EPHA4: variants seen among roughly 807,000 people sequenced by gnomAD.
EPHA4 encodes the protein EPH receptor A4, also known as ephrin type-A receptor 4.
Under a neutral mutation model 108.3 loss-of-function variants are expected in EPHA4, and 19 were observed. The ratio of observed to expected loss-of-function variants is 0.18; its 90% CI spans 0.12 to 0.26. EPHA4 has a LOEUF of 0.26. Among genes scored for constraint, EPHA4 ranks in the 10% least tolerant of loss-of-function variants. EPHA4 has a pLI of 1.00. For missense variants in EPHA4, 917 were observed against 1,254.0 expected (o/e 0.73, Z 4.06); for synonymous variants, 449 against 455.5 (o/e 0.99, Z 0.18).
chr2:221,516,168 A>G (rs2710508), intron 3 of EPHA4, among the ~76,000 whole-genome samples: 92,997 of 151,934 alleles, frequency 0.61, 29,623 homozygotes, highest in African/African-American at 0.79. Context: ...CTGAAATACA[A>G]TGACTGAGAA....
chr2:221,423,756 T>C (rs562269998), intron 17 of EPHA4, among the ~76,000 whole-genome samples: 2 of 144,108 alleles, frequency 1.4e-5, no homozygotes, highest in South Asian at 4.4e-4. Flanking sequence ...AGTTGTAGAC[T>C]TTAAGAAAAA....
chr2:221,442,791 C>A (rs760572185), intron 11 of EPHA4, 38 bp downstream of exon 11: 4 of 1,606,742 alleles, frequency 2.5e-6, no homozygotes, highest in Non-Finnish European at 3.4e-6. Flanking sequence ...TTCCCAGTAA[C>A]TTCTAGCTTG....
chr2:221,483,518 G>T (rs1011175645), intron 4 of EPHA4, among the ~76,000 whole-genome samples: 2 of 151,568 alleles, frequency 1.3e-5, no homozygotes, highest in Non-Finnish European at 2.9e-5. Flanking sequence ...GTGTGTGTGT[G>T]TGTGTGTGTG....
intron 11 of EPHA4, chr2:221,437,350 A>T (rs1300418541): frequency 7.1e-6 from 3 of 420,066 alleles, no homozygotes; most frequent in Non-Finnish European, 1.3e-5. Context: ...TGGCTTGTTG[A>T]CAAGGTCTTT....
intron 3 of EPHA4, among the ~76,000 whole-genome samples, chr2:221,521,952 G>A (rs1321435085): frequency 6.6e-6 from 1 of 152,146 alleles, no homozygotes; most frequent in African/African-American, 2.4e-5. Context: ...ATTCCAGCCT[G>A]GGTGACAGAG....
intron 3 of EPHA4, among the ~76,000 whole-genome samples, chr2:221,551,420 A>G (rs1452306582): frequency 2.6e-5 from 4 of 152,146 alleles, no homozygotes; most frequent in Non-Finnish European, 5.9e-5. Flanking sequence ...TAGTGTATCT[A>G]GTTTTCAAAG....
At chr2:221,536,496 C>T (rs1339935595) in intron 3 of EPHA4, among the ~76,000 whole-genome samples, 1 of 152,124 alleles carries the variant, frequency 6.6e-6, no homozygotes, top group Non-Finnish European at 1.5e-5. Context: ...CATTAATTCC[C>T]AATAATTAAG....
At chr2:221,422,610 T>C (rs1689790019) in intron 17 of EPHA4, among the ~76,000 whole-genome samples, 1 of 152,224 alleles carries the variant, frequency 6.6e-6, no homozygotes, top group South Asian at 2.1e-4. Context: ...AATGCCAGGA[T>C]ACGAGTTGAG....
intron 4 of EPHA4, among the ~76,000 whole-genome samples, chr2:221,499,750 ATATATATTTTTT>A (rs1480274707): frequency 1.3e-4 from 6 of 46,550 alleles, no homozygotes; most frequent in African/African-American, 7.3e-4. Context: ...ATATATATAT[ATATATATTTTTT>A]TTTTTTTTTT....
At position 221,448,437 on chromosome 2, in the gene EPHA4, A is replaced by G. The variant is rs571168261; in HGVS notation, c.1716-2256T>C. Among the ~76,000 whole-genome samples the G allele has an allele frequency of 1.5e-3, 234 of 152,292 alleles. 1 individual carries two copies. Among genetic ancestry groups the G allele is most frequent in the African/African-American group, 5.4e-3 (226 of 41,558 alleles). ...AGTACATTCACTTAAAGTGAATTCA[A>G]TTGCTCTTAAAATCCATTGCTTCAT... On this transcript the variant is annotated intron_variant, in intron 8 of 17. Coordinates refer to ENST00000281821, the MANE Select transcript of EPHA4 (RefSeq NM_004438.5).
intron 13 of EPHA4, among the ~76,000 whole-genome samples, chr2:221,435,422 A>G (rs1442686874): frequency 6.6e-6 from 1 of 152,198 alleles, no homozygotes; most frequent in Non-Finnish European, 1.5e-5. Context: ...TCAAAAGAGG[A>G]CAAGCATAAG....
At chr2:221,496,045 C>T (rs79870518) in intron 4 of EPHA4, among the ~76,000 whole-genome samples, 3,712 of 152,234 alleles carry the variant, frequency 0.024, 62 homozygotes, top group Non-Finnish European at 0.038. Context: ...TGATTAGAGG[C>T]TGGAATCAGT....
intron 2 of EPHA4, among the ~76,000 whole-genome samples, chr2:221,567,364 T>C (rs1237722460): frequency 6.6e-6 from 1 of 152,224 alleles, no homozygotes; most frequent in African/African-American, 2.4e-5. Context: ...GGATTAACAA[T>C]GAGTCTGACT....
chr2:221,478,819 A>T (rs911652448), intron 5 of EPHA4, among the ~76,000 whole-genome samples: 2 of 52,032 alleles, frequency 3.8e-5, no homozygotes, highest in Admixed American at 1.8e-4. Flanking sequence ...GCAGGTAGCC[A>T]GCTGGGCTGC....
intron 5 of EPHA4, among the ~76,000 whole-genome samples, chr2:221,465,137 T>C (rs1177421552): frequency 1.2e-4 from 18 of 152,164 alleles, no homozygotes; most frequent in Non-Finnish European, 5.9e-5. Flanking sequence ...AGCCACATTA[T>C]CCTTCAGCAA....
At chr2:221,456,153 T>C (rs1350119043) in intron 7 of EPHA4, among the ~76,000 whole-genome samples, 1 of 151,188 alleles carries the variant, frequency 6.6e-6, no homozygotes, top group Non-Finnish European at 1.5e-5. Flanking sequence ...AGATTTGATA[T>C]GTTTGTCCAA....
chr2:221,471,419 C>A (rs1691485657), intron 5 of EPHA4, among the ~76,000 whole-genome samples: 2 of 152,000 alleles, frequency 1.3e-5, no homozygotes, highest in Admixed American at 6.6e-5. Context: ...TGCATCTTAC[C>A]TAGAAATAGT....
At chr2:221,490,979 G>A (rs1180549642) in intron 4 of EPHA4, among the ~76,000 whole-genome samples, 1 of 152,168 alleles carries the variant, frequency 6.6e-6, no homozygotes, top group Admixed American at 6.5e-5. Context: ...GGCTGTCCAT[G>A]ATTAAACCAG....
chr2:221,566,280 C>A (rs955310359), intron 2 of EPHA4, among the ~76,000 whole-genome samples: 1 of 151,656 alleles, frequency 6.6e-6, no homozygotes, highest in Non-Finnish European at 1.5e-5. Flanking sequence ...CATTATCAGA[C>A]CAAATTACTA....
Sources: gnomAD v4.1 joint callset for allele counts (sites outside exome capture counted in the v4.1 genomes callset) on GRCh38, gnomAD v4.1.1 for gene constraint, MANE v1.5 for transcripts, NCBI Gene and HGNC (gene_info 2026-07-23, HGNC 2026-07-21) for gene names.